Variants in ST6GAL1 observed in about 807,000 individuals in gnomAD.
ST6GAL1 encodes the protein beta-galactoside alpha-2,6-sialyltransferase 1.
A neutral mutation model predicts 38.0 loss-of-function variants in ST6GAL1; 20 were observed. That is an observed-to-expected ratio of 0.53 (90% CI 0.37 to 0.77). The LOEUF (loss-of-function observed/expected upper bound fraction) is 0.77. ST6GAL1 is among the 30% of genes least tolerant of loss of function. ST6GAL1 has a pLI of 0.00. For missense variants in ST6GAL1, 432 were observed against 496.4 expected (o/e 0.87, Z 1.23); for synonymous variants, 196 against 188.2 (o/e 1.04, Z -0.34).
At chr3:187,002,013 T>C (rs1716636708) in intron 2 of ST6GAL1, among the ~76,000 whole-genome samples, 1 of 150,596 alleles carries the variant, frequency 6.6e-6, no homozygotes, top group Admixed American at 6.6e-5. Flanking sequence ...AGCTTTATTT[T>C]CTACTCTACC....
At chr3:187,022,013 G>C (rs1352856967) in intron 2 of ST6GAL1, 1 of 152,190 alleles carries the variant, frequency 6.6e-6, no homozygotes, top group Non-Finnish European at 1.5e-5. Flanking sequence ...ATGTAAGTAG[G>C]GTGTTTCCCT....
At chr3:187,034,282 A>G (rs1717854681) in intron 2 of ST6GAL1, among the ~76,000 whole-genome samples, 1 of 152,124 alleles carries the variant, frequency 6.6e-6, no homozygotes, top group African/African-American at 2.4e-5. Flanking sequence ...CCACCAAAAA[A>G]AGCCCTGGAC....
At chr3:187,062,128 C>A (rs958802140) in intron 5 of ST6GAL1, among the ~76,000 whole-genome samples, 3 of 152,088 alleles carry the variant, frequency 2.0e-5, no homozygotes, top group Admixed American at 2.0e-4. Flanking sequence ...AGACTCAACT[C>A]TTTTTTGCTA....
chr3:187,000,140 T>A (rs1433467583), intron 2 of ST6GAL1, among the ~76,000 whole-genome samples: 1 of 152,194 alleles, frequency 6.6e-6, no homozygotes, highest in Non-Finnish European at 1.5e-5. Flanking sequence ...GATACATTTT[T>A]AAAATGTATC....
chr3:187,031,949 C>T (rs946996885), intron 2 of ST6GAL1, among the ~76,000 whole-genome samples: 1 of 152,184 alleles, frequency 6.6e-6, no homozygotes, highest in African/African-American at 2.4e-5. Flanking sequence ...AAGCTATAGT[C>T]AGTGCTTGGC....
Position 187,060,454 on chromosome 3 carries a change from C to T in ST6GAL1, c.705+9108C>T, listed in dbSNP as rs200195559. 3.9e-5 allele frequency among the ~76,000 whole-genome samples: 6 copies of T among 152,226 alleles called. No individual in the cohort carries two copies. In the East Asian group the frequency reaches 7.7e-4, roughly 19 times the overall value. ...GGGATTACAGGCGTGAGCCACCTCA[C>T]CCAGCAGGGTGAGACATCTTCTTTA... is the stretch of plus-strand genomic sequence containing the variant. On this transcript the variant is annotated intron_variant, in intron 5 of 7. Coordinates refer to ENST00000169298, the MANE Select transcript of ST6GAL1 (RefSeq NM_173216.2).
chr3:187,056,744 T>G (rs1009518194), intron 5 of ST6GAL1, among the ~76,000 whole-genome samples: 4 of 152,194 alleles, frequency 2.6e-5, no homozygotes, highest in African/African-American at 9.7e-5. Flanking sequence ...ATTTTTTCCT[T>G]CATTTCAACC....
intron 1 of ST6GAL1, among the ~76,000 whole-genome samples, chr3:186,958,819 G>T (rs1290688626): frequency 6.6e-6 from 1 of 152,004 alleles, no homozygotes; most frequent in Non-Finnish European, 1.5e-5. Flanking sequence ...CAGGTGTGGT[G>T]GCATGCACCT....
At chr3:186,997,983 G>A (rs374472046) in intron 2 of ST6GAL1, among the ~76,000 whole-genome samples, 15 of 152,084 alleles carry the variant, frequency 9.9e-5, no homozygotes, top group East Asian at 9.7e-4. Context: ...ATGGTGGCTC[G>A]TGCCTATAAT....
chr3:186,969,107 A>G (rs56074735), intron 2 of ST6GAL1, among the ~76,000 whole-genome samples: 12,448 of 138,086 alleles, frequency 0.09, 714 homozygotes, highest in Non-Finnish European at 0.12. Flanking sequence ...GCTGGAATGC[A>G]GTGGCGCAAT....
At chr3:187,064,046 C>G (rs1719012768) in intron 5 of ST6GAL1, among the ~76,000 whole-genome samples, 1 of 152,138 alleles carries the variant, frequency 6.6e-6, no homozygotes, top group Admixed American at 6.5e-5. Context: ...TTGCGAATGA[C>G]TCCACCTTCC....
chr3:187,025,198 C>A (rs933748351), intron 2 of ST6GAL1, among the ~76,000 whole-genome samples: 1 of 152,082 alleles, frequency 6.6e-6, no homozygotes, highest in Non-Finnish European at 1.5e-5. Flanking sequence ...TTTGTTGGAT[C>A]CGCAGTTGGG....
chr3:186,993,815 A>G (rs1716266183), intron 2 of ST6GAL1, among the ~76,000 whole-genome samples: 2 of 152,028 alleles, frequency 1.3e-5, no homozygotes, highest in Admixed American at 6.6e-5. Flanking sequence ...TAATCAACCC[A>G]CAGCATTACT....
At chr3:187,014,201 C>A (rs1236117495) in intron 2 of ST6GAL1, among the ~76,000 whole-genome samples, 5 of 152,252 alleles carry the variant, frequency 3.3e-5, no homozygotes, top group Non-Finnish European at 5.9e-5. Flanking sequence ...GAGACCCCGA[C>A]TGTCATGTAA....
intron 1 of ST6GAL1, among the ~76,000 whole-genome samples, chr3:186,937,829 T>A (rs1163018415): frequency 6.6e-6 from 1 of 152,046 alleles, no homozygotes; most frequent in Admixed American, 6.6e-5. Context: ...TCCCAGCACT[T>A]TGGGAGGCTG....
chr3:187,026,492 A>G (rs1164916355), intron 2 of ST6GAL1, among the ~76,000 whole-genome samples: 4 of 152,240 alleles, frequency 2.6e-5, no homozygotes, highest in Admixed American at 1.3e-4. Flanking sequence ...ATAAAAATCT[A>G]TCATTAAATT....
intron 2 of ST6GAL1, among the ~76,000 whole-genome samples, chr3:187,027,930 A>G (rs1205415588): frequency 6.6e-6 from 1 of 152,234 alleles, no homozygotes; most frequent in Non-Finnish European, 1.5e-5. Flanking sequence ...GGTGAAGAAT[A>G]TGCATCAAGG....
At chr3:186,974,563 A>G (rs1043032979) in intron 2 of ST6GAL1, among the ~76,000 whole-genome samples, 7 of 152,178 alleles carry the variant, frequency 4.6e-5, no homozygotes, top group African/African-American at 1.7e-4. Context: ...TGCAGTTGTC[A>G]CCACAATCCA....
At chr3:187,031,584 C>T (rs974752224) in intron 2 of ST6GAL1, among the ~76,000 whole-genome samples, 7 of 152,004 alleles carry the variant, frequency 4.6e-5, no homozygotes, top group African/African-American at 7.3e-5. Flanking sequence ...TACAGACACA[C>T]GTCACCACGC....
Sources: gnomAD v4.1 joint callset for allele counts (sites outside exome capture counted in the v4.1 genomes callset) on GRCh38, gnomAD v4.1.1 for gene constraint, MANE v1.5 for transcripts, NCBI Gene and HGNC (gene_info 2026-07-23, HGNC 2026-07-21) for gene names.